PIK3R6: variants seen among roughly 807,000 people sequenced by gnomAD.
PIK3R6 encodes the protein phosphoinositide-3-kinase regulatory subunit 6, also known as phosphoinositide 3-kinase regulatory subunit 6.
PIK3R6 carries 91 observed loss-of-function variants against 84.9 expected under a neutral mutation model. The observed-to-expected ratio is 1.07, with a 90% CI of 0.90 to 1.28. PIK3R6 has a LOEUF of 1.28. PIK3R6 is among the 50% of genes most tolerant of loss of function. The probability of loss-of-function intolerance (pLI) is 0.00; values close to 1 mark genes in which losing one functional copy is unlikely to be tolerated. For synonymous variants in PIK3R6, 416 were observed against 411.4 expected, an observed-to-expected ratio of 1.01 and a Z score of -0.13; for missense variants, 996 against 985.1, an observed-to-expected ratio of 1.01 and a Z score of -0.15.
At chr17:8,827,683 T>A (rs2087970580) in intron 12 of PIK3R6, among the ~76,000 whole-genome samples, 1 of 149,118 alleles carries the variant, frequency 6.7e-6, no homozygotes, top group Non-Finnish European at 1.5e-5. Flanking sequence ...TCCTTTCATG[T>A]CATACCAGAA....
Position 8,830,631 on chromosome 17 carries a change from G to A in PIK3R6, c.803-839C>T, listed in dbSNP as rs77944033. 6.0e-3 allele frequency among the ~76,000 whole-genome samples: 914 copies of A among 152,290 alleles called. 7 individuals are homozygous for A. Among genetic ancestry groups the A allele is most frequent in the African/African-American group, 0.021 (878 of 41,550 alleles). ...CTGCCAATGGCCCTGGGCAACAGGT[G>A]ACATTATTATCCTCAATTTACAGGG... On this transcript the variant is annotated intron_variant, in intron 9 of 19. Coordinates refer to ENST00000619866, the MANE Select transcript of PIK3R6 (RefSeq NM_001010855.4).
In PIK3R6 at chr17:8,829,041, C is replaced by T. The variant is rs946924308; in HGVS notation, c.890-51G>A. 5.5e-6 allele frequency: 8 copies of T among 1,462,782 alleles called. No individual in the cohort carries two copies. In the African/African-American group the frequency reaches 8.6e-5, roughly 16 times the overall value. The allele number at this position is 1,462,782 out of a possible 1,614,324, so 90.6% of individuals were successfully genotyped here. On this transcript the variant is annotated intron_variant, in intron 10 of 19. Transcript: ENST00000619866. ...AGGACACGTGAGGCTGGCAGGGCTA[C>T]GTTTCTGATTTCAGCCAGTCCTCTT...
chr17:8,855,907 T>C (rs535861001), intron 1 of PIK3R6, among the ~76,000 whole-genome samples: 1 of 152,330 alleles, frequency 6.6e-6, no homozygotes, highest in East Asian at 1.9e-4. Flanking sequence ...CTATTCAGAA[T>C]GGCCCCAAAC....
At chr17:8,815,968 A>G (rs1257887329) in intron 18 of PIK3R6, among the ~76,000 whole-genome samples, 1 of 152,206 alleles carries the variant, frequency 6.6e-6, no homozygotes, top group East Asian at 1.9e-4. Context: ...TATGGTCCTG[A>G]GTTGATAACA....
rs932239187 is a variant in PIK3R6, at chr17:8,862,732, C to A, written c.-92+4797G>T. On this transcript the variant is annotated intron_variant, in intron 1 of 19. Coordinates refer to ENST00000619866, the MANE Select transcript of PIK3R6 (RefSeq NM_001010855.4). The surrounding 1 kb of genome is among the most constrained non-coding windows in gnomAD (Gnocchi z 4.3). ...TCATCTAAAAATTCCTCTCCCTCCCCCCGTAGCGCAAGAATACGACATTAC... is the reference window on the plus strand; with the variant it reads ...TCATCTAAAAATTCCTCTCCCTCCCACCGTAGCGCAAGAATACGACATTAC... 6.6e-6 allele frequency among the ~76,000 whole-genome samples: 1 copy of A among 152,166 alleles called. No homozygotes were observed. Among genetic ancestry groups the A allele is most frequent in the Middle Eastern group, 3.2e-3 (1 of 316 alleles).
chr17:8,864,880 T>G (rs1344152643), intron 1 of PIK3R6, among the ~76,000 whole-genome samples: 1 of 152,138 alleles, frequency 6.6e-6, no homozygotes, highest in African/African-American at 2.4e-5. Flanking sequence ...AGACAAAGAA[T>G]GAAGGGATGA....
rs764771952 is a variant in PIK3R6, at chr17:8,828,860, G to T, written c.1020C>A (p.Ser340Arg). The T allele has an allele frequency of 2.5e-6, 4 of 1,593,310 alleles. No homozygotes were observed. The highest frequency in any genetic ancestry group is 1.8e-5 in the Admixed American group (1 of 56,498). ...LARVSVLSTD[S>R]GIERDLPTGA... ...CCGTGGGAAGGTCCCGCTCAATGCCGCTGTCAGTGGACAGCACAGAAACCC... is the reference window on the plus strand; with the variant it reads ...CCGTGGGAAGGTCCCGCTCAATGCCTCTGTCAGTGGACAGCACAGAAACCC... The change falls in exon 11 of 20, where the codon AGC becomes AGA. Residue 340 changes from serine to arginine, a missense_variant. Transcript: ENST00000619866.
At chr17:8,850,792 T>C (rs1378543896) in intron 1 of PIK3R6, among the ~76,000 whole-genome samples, 1 of 152,218 alleles carries the variant, frequency 6.6e-6, no homozygotes, top group Non-Finnish European at 1.5e-5. Context: ...ATAAATGTCA[T>C]ATATATATTT....
intron 13 of PIK3R6, among the ~76,000 whole-genome samples, chr17:8,826,473 T>C (rs545656118): frequency 6.6e-6 from 1 of 152,296 alleles, no homozygotes; most frequent in South Asian, 2.1e-4. Context: ...TTAATGTCCT[T>C]TTCAGGGACA....
chr17:8,853,066 G>A (rs907127726), intron 1 of PIK3R6, among the ~76,000 whole-genome samples: 1 of 151,864 alleles, frequency 6.6e-6, no homozygotes, highest in East Asian at 1.9e-4. Flanking sequence ...CAATTATAGA[G>A]TACCAAGTAA....
At chr17:8,850,934 A>G (rs901850321) in intron 1 of PIK3R6, among the ~76,000 whole-genome samples, 4 of 152,232 alleles carry the variant, frequency 2.6e-5, no homozygotes, top group Non-Finnish European at 4.4e-5. Context: ...AAATAGAGAC[A>G]GTTGTCAAAG....
At position 8,822,665 on chromosome 17, in the gene PIK3R6, G is replaced by C. The variant is rs375895093; in HGVS notation, c.1718-8C>G. 3 of 1,613,696 alleles carry C rather than the reference G, an allele frequency of 1.9e-6. No individual in the cohort carries two copies. The highest frequency in any genetic ancestry group is 8.5e-7 in the Non-Finnish European group (1 of 1,179,774). On this transcript the variant is annotated splice_polypyrimidine_tract_variant and splice_region_variant and intron_variant, in intron 15 of 19. Coordinates refer to ENST00000619866, the MANE Select transcript of PIK3R6 (RefSeq NM_001010855.4). ...TCCTGGGTGAAAAGCCATCTGTGGG[G>C]AGATGAGAAGAGGCTTGGGGTGGAG...
intron 1 of PIK3R6, among the ~76,000 whole-genome samples, chr17:8,858,630 T>C (rs533772100): frequency 1.3e-5 from 2 of 152,088 alleles, no homozygotes; most frequent in East Asian, 3.9e-4. Context: ...TCTCAATGAG[T>C]CTCAATGGAA....
rs1369620068 is a variant in PIK3R6 at position 8,829,803 on chromosome 17, G to T, written c.803-11C>A. 1 of 1,548,742 alleles carries T rather than the reference G, an allele frequency of 6.5e-7. No homozygotes were observed. Among genetic ancestry groups the T allele is most frequent in the African/African-American group, 1.4e-5 (1 of 72,970 alleles). ...CTTGGACAAGGTCACCTGCAGAAAG[G>T]AGCAGGCTGTGGAGGCCATGGAGGA... On this transcript the variant is annotated splice_polypyrimidine_tract_variant and intron_variant, in intron 9 of 19. Transcript: ENST00000619866.
chr17:8,836,139 T>C (rs2088454799), intron 7 of PIK3R6, among the ~76,000 whole-genome samples: 1 of 152,212 alleles, frequency 6.6e-6, no homozygotes, highest in Non-Finnish European at 1.5e-5. Context: ...GCCCTCTGGC[T>C]TCATTGTGCA....
At position 8,824,799 on chromosome 17, in the gene PIK3R6, GT is replaced by G. The variant is rs540197437; in HGVS notation, c.1516-1303del. 6.4e-3 allele frequency among the ~76,000 whole-genome samples: 969 copies of G among 152,268 alleles called. 11 individuals are homozygous for G. The highest frequency in any genetic ancestry group is 0.022 in the African/African-American group (920 of 41,552). ...ATACCCAGCTAAATGGTCTTTGTGT[GT>G]ATGCAAAGACATTTTCGGATCAGGT... is the stretch of plus-strand genomic sequence containing the variant. On this transcript the variant is annotated intron_variant, in intron 13 of 19. Coordinates refer to ENST00000619866, the MANE Select transcript of PIK3R6 (RefSeq NM_001010855.4).
At position 8,829,567 on chromosome 17, in the gene PIK3R6, TACAC is replaced by T. The variant is rs748428031; in HGVS notation, c.889+135_889+138del. The T allele has an allele frequency of 4.8e-5, 38 of 795,354 alleles. No individual in the cohort carries two copies. The African/African-American group carries it at 5.6e-4, about 12-fold the overall frequency. The allele number at this position is 795,354 out of a possible 1,614,324, so 49.3% of individuals were successfully genotyped here. On this transcript the variant is annotated intron_variant, in intron 10 of 19. Transcript: ENST00000619866. ...ACACAGACACACACTCATGCACACA[TACAC>T]ACACAGACACACTGACACACACTCA...
intron 18 of PIK3R6, among the ~76,000 whole-genome samples, chr17:8,812,829 G>T (rs917601753): frequency 1.3e-5 from 2 of 152,068 alleles, no homozygotes; most frequent in African/African-American, 4.8e-5. Flanking sequence ...ACCTAATGTT[G>T]CATGTCAAGG....
intron 18 of PIK3R6, among the ~76,000 whole-genome samples, chr17:8,813,400 A>G (rs1032040740): frequency 3.9e-5 from 6 of 152,226 alleles, no homozygotes; most frequent in African/African-American, 1.4e-4. Flanking sequence ...AATTCATTCT[A>G]TGAAGCCAGG....
Sources: gnomAD v4.1 joint callset for allele counts (sites outside exome capture counted in the v4.1 genomes callset) on GRCh38, gnomAD v4.1.1 for gene constraint, Gnocchi (gnomAD v3.1) non-coding constraint, MANE v1.5 for transcripts, NCBI Gene and HGNC (gene_info 2026-07-23, HGNC 2026-07-21) for gene names.